The following PIGU variants were observed in gnomAD, a reference collection of about 807,000 sequenced individuals.
The protein encoded by PIGU is phosphatidylinositol glycan anchor biosynthesis class U, also known as GPI-anchor transamidase component PIGU.
A neutral mutation model predicts 49.9 loss-of-function variants in PIGU; 24 were observed. The observed-to-expected ratio is 0.48, with a 90% confidence interval of 0.35 to 0.68. The LOEUF is 0.68. Among genes scored for constraint, PIGU ranks in the 30% least tolerant of loss-of-function variants. The pLI is 0.01. For missense variants in PIGU, 490 were observed against 532.6 expected (o/e 0.92, Z 0.79); for synonymous variants, 220 against 205.7 (o/e 1.07, Z -0.59).
At position 34,581,599 on chromosome 20, in the gene PIGU, C is replaced by G. The variant is rs774403254; in HGVS notation, c.1000G>C (p.Asp334His). The G allele has an allele frequency of 1.2e-6, 2 of 1,613,994 alleles. No homozygotes were observed. The highest frequency in any genetic ancestry group is 2.2e-5 in the South Asian group (2 of 91,046). ...AIFKSYPTVG[D>H]VALYMAFFPV... ...AAGAAGGCCATGTAGAGCGCCACGTCCCCCACTGTCGGGTAGGACTTAAAG... is the reference window on the plus strand; with the variant it reads ...AAGAAGGCCATGTAGAGCGCCACGTGCCCCACTGTCGGGTAGGACTTAAAG... The change falls in exon 10 of 12, where the codon GAC (aspartate) becomes CAC (histidine). Residue 334 changes from aspartate (D) to histidine (H), a missense_variant. Transcript: ENST00000217446.
In PIGU at chr20:34,666,687, C is replaced by CTTT. The variant is rs918644106; in HGVS notation, c.131-9446_131-9444dup. On this transcript the variant is annotated intron_variant, in intron 1 of 11. Transcript: ENST00000217446. ...AGTGCACCACTGCACCTGACTAATT[C>CTTT]TTTTTTTTTTTTTTTTTTTTTTTTT... is the stretch of plus-strand genomic sequence containing the variant. 6.8e-4 allele frequency among the ~76,000 whole-genome samples: 62 copies of CTTT among 90,614 alleles called. 1 individual carries two copies. The highest frequency in any genetic ancestry group is 1.5e-3 in the African/African-American group (35 of 22,962). 59.4% of individuals were successfully genotyped at this position (90,614 alleles called of 152,430 possible).
intron 6 of PIGU, 106 bp downstream of exon 6, chr20:34,634,509 T>G: frequency 7.2e-7 from 1 of 1,388,088 alleles, no homozygotes; most frequent in Non-Finnish European, 9.4e-7. Flanking sequence ...AAAAATGTTT[T>G]TAAGTGTTGC....
At chr20:34,669,278 G>T (rs561588180) in intron 1 of PIGU, among the ~76,000 whole-genome samples, 31 of 152,188 alleles carry the variant, frequency 2.0e-4, no homozygotes, top group Non-Finnish European at 3.5e-4. Flanking sequence ...GACTATGTAG[G>T]ATATTAACAT....
chr20:34,658,984 C>A (rs1226475374), intron 1 of PIGU, among the ~76,000 whole-genome samples: 9 of 147,084 alleles, frequency 6.1e-5, no homozygotes, highest in Non-Finnish European at 1.5e-5. Flanking sequence ...GCCGCCCCGT[C>A]CGGGAGGTGA....
At chr20:34,674,771 A>G (rs1039743387) in intron 1 of PIGU, among the ~76,000 whole-genome samples, 2 of 151,886 alleles carry the variant, frequency 1.3e-5, no homozygotes, top group African/African-American at 4.8e-5. Context: ...TACAAAAAAT[A>G]CAAAAAAATA....
At chr20:34,618,608 C>G (rs1204180046) in intron 6 of PIGU, among the ~76,000 whole-genome samples, 2 of 151,936 alleles carry the variant, frequency 1.3e-5, no homozygotes, top group Non-Finnish European at 2.9e-5. Flanking sequence ...ATAGTAAAAC[C>G]CCATCTCTAC....
At chr20:34,664,852 TG>T (rs1347571306) in intron 1 of PIGU, among the ~76,000 whole-genome samples, 1 of 151,840 alleles carries the variant, frequency 6.6e-6, no homozygotes, top group East Asian at 2.0e-4. Context: ...TAGCCAGGCA[TG>T]GTGGAGAGTG....
At position 34,623,283 on chromosome 20, in the gene PIGU, G is replaced by A. The variant is rs144106527; in HGVS notation, c.530-7144C>T. 1.6e-3 allele frequency among the ~76,000 whole-genome samples: 249 copies of A among 152,312 alleles called. 2 individuals are homozygous for A. Among genetic ancestry groups the A allele is most frequent in the African/African-American group, 5.6e-3 (233 of 41,570 alleles). On this transcript the variant is annotated intron_variant, in intron 6 of 11. Transcript: ENST00000217446. Reference sequence around the variant, plus strand: ...CAAGTGAGACTGCCCAGGAGGAGGAGGAGATCCTGGGGGCAGGGCCAATGT... The same window carrying A: ...CAAGTGAGACTGCCCAGGAGGAGGAAGAGATCCTGGGGGCAGGGCCAATGT...
intron 1 of PIGU, among the ~76,000 whole-genome samples, chr20:34,672,854 C>CTT (rs201171412): frequency 2.9e-5 from 2 of 68,822 alleles, no homozygotes; most frequent in African/African-American, 4.3e-5. Flanking sequence ...GACCCTGTCT[C>CTT]TCAAAAAAAA....
At position 34,560,741 on chromosome 20, in the gene PIGU, T is replaced by C. The variant is rs767830601; in HGVS notation, c.*125A>G. On this transcript the variant is annotated 3_prime_UTR_variant, in exon 12 of 12. Transcript: ENST00000217446. ...TGGGTCCCTTTTGGTACCAGAGACTTGTGACCCTGGACTCGAACCTCTTCT... is the reference window on the plus strand; with the variant it reads ...TGGGTCCCTTTTGGTACCAGAGACTCGTGACCCTGGACTCGAACCTCTTCT... The C allele has an allele frequency of 1.7e-4, 109 of 638,364 alleles. No individual in the cohort carries two copies. Among genetic ancestry groups the C allele is most frequent in the Admixed American group, 3.2e-4 (9 of 27,918 alleles). The allele number at this position is 638,364 out of a possible 1,614,324, so 39.5% of individuals were successfully genotyped here.
chr20:34,641,383 C>G (rs1197122455), intron 4 of PIGU, among the ~76,000 whole-genome samples: 1 of 152,124 alleles, frequency 6.6e-6, no homozygotes, highest in Non-Finnish European at 1.5e-5. Flanking sequence ...AATTTACAAC[C>G]CTCTAATCAT....
At chr20:34,626,751 A>G (rs1985509453) in intron 6 of PIGU, among the ~76,000 whole-genome samples, 1 of 152,170 alleles carries the variant, frequency 6.6e-6, no homozygotes, top group Non-Finnish European at 1.5e-5. Context: ...GCAAAAAACA[A>G]AAAAAGCTTT....
chr20:34,614,625 CAAA>C (rs11477079), intron 7 of PIGU, among the ~76,000 whole-genome samples: 17 of 113,904 alleles, frequency 1.5e-4, no homozygotes, highest in Admixed American at 2.5e-4. Flanking sequence ...GACCTGCTCT[CAAA>C]AAAAAAAAAA....
At chr20:34,572,511 G>A (rs1274651656) in intron 11 of PIGU, among the ~76,000 whole-genome samples, 3 of 152,032 alleles carry the variant, frequency 2.0e-5, no homozygotes, top group South Asian at 2.1e-4. Context: ...AAAATTAGGC[G>A]GGCATGGTAG....
intron 2 of PIGU, among the ~76,000 whole-genome samples, chr20:34,656,269 G>A (rs1986693673): frequency 9.4e-6 from 1 of 105,970 alleles, no homozygotes; most frequent in Non-Finnish European, 1.9e-5. Context: ...ACCGCGCCTG[G>A]CCTGTTTATA....
intron 4 of PIGU, among the ~76,000 whole-genome samples, chr20:34,642,483 AT>A (rs1270497324): frequency 6.6e-6 from 1 of 151,718 alleles, no homozygotes; most frequent in East Asian, 2.0e-4. Flanking sequence ...TTTGATGAGA[AT>A]TGAGCAGGAA....
intron 7 of PIGU, among the ~76,000 whole-genome samples, chr20:34,605,247 A>G (rs188043994): frequency 5.9e-5 from 9 of 152,328 alleles, no homozygotes; most frequent in Admixed American, 4.6e-4. Context: ...TACCATTCTC[A>G]TAAGTGATTC....
At chr20:34,659,197 G>A (rs1986832834) in intron 1 of PIGU, among the ~76,000 whole-genome samples, 1 of 144,962 alleles carries the variant, frequency 6.9e-6, no homozygotes, top group Non-Finnish European at 1.5e-5. Flanking sequence ...CGTCCAGGAG[G>A]GAGGTGGGGG....
rs1399286742 is a variant in PIGU at position 34,654,096 on chromosome 20, A to T, written c.195+3084T>A. 2.3e-4 allele frequency among the ~76,000 whole-genome samples: 24 copies of T among 106,252 alleles called. 5 individuals carry two copies. The highest frequency in any genetic ancestry group is 3.8e-4 in the Non-Finnish European group (19 of 50,300). 69.7% of individuals were successfully genotyped at this position (106,252 alleles called of 152,430 possible). A position where few individuals can be genotyped will look rare whatever the true frequency, so the allele number is the denominator to read the frequency against. ...CTGGTCTCGAACTCCCGACCTTGTG[A>T]TCCGCCCGCCTAGGCTTCCCAAAGT... On this transcript the variant is annotated intron_variant, in intron 2 of 11. Transcript: ENST00000217446.
Sources: gnomAD v4.1 joint callset for allele counts (sites outside exome capture counted in the v4.1 genomes callset) on GRCh38, gnomAD v4.1.1 for gene constraint, MANE v1.5 for transcripts, NCBI Gene and HGNC (gene_info 2026-07-23, HGNC 2026-07-21) for gene names.